The following DENND2C variants were observed in gnomAD, a reference collection of about 807,000 sequenced individuals.
The protein encoded by DENND2C is DENN domain-containing protein 2C.
Under a neutral mutation model 112.4 loss-of-function variants are expected in DENND2C, and 72 were observed. The observed-to-expected ratio is 0.64, with a 90% CI of 0.53 to 0.78. DENND2C has a LOEUF of 0.78. Among genes scored for constraint, DENND2C ranks in the 30% least tolerant of loss-of-function variants. DENND2C has a pLI of 0.00. For synonymous variants in DENND2C, 329 were observed against 381.6 expected (o/e 0.86, Z 1.61); for missense variants, 992 against 1,113.8 (o/e 0.89, Z 1.56).
intron 18 of DENND2C, among the ~76,000 whole-genome samples, chr1:114,594,010 G>A (rs6661025): frequency 0.013 from 2,039 of 152,124 alleles, 28 homozygotes; most frequent in African/African-American, 0.04. Context: ...CCTATTTACC[G>A]AATACTGTTT....
rs1654950586 is a variant in DENND2C, at chr1:114,583,360, G to C, written c.*2240C>G. ...ATCACAATACAACTTACACAGTTTT[G>C]TAAGGTTGAATAAATACTTTCTGTG... On this transcript the variant is annotated 3_prime_UTR_variant, in exon 21 of 21. Transcript: ENST00000393274. 2 of 152,182 alleles carry C rather than the reference G, an allele frequency of 1.3e-5. No homozygotes were observed. Among genetic ancestry groups the C allele is most frequent in the African/African-American group, 4.8e-5 (2 of 41,440 alleles). 9.4% of individuals were successfully genotyped at this position (152,182 alleles called of 1,614,324 possible). A position where few individuals can be genotyped will look rare whatever the true frequency, so the allele number is the denominator to read the frequency against.
At chr1:114,629,747 T>C (rs1351557583) in intron 3 of DENND2C, among the ~76,000 whole-genome samples, 6 of 152,224 alleles carry the variant, frequency 3.9e-5, no homozygotes, top group Non-Finnish European at 1.5e-5. Flanking sequence ...ACCTATCATA[T>C]ATAGAATTCT....
At chr1:114,647,621 A>G (rs1657030027) in intron 2 of DENND2C, among the ~76,000 whole-genome samples, 1 of 152,166 alleles carries the variant, frequency 6.6e-6, no homozygotes, top group African/African-American at 2.4e-5. Flanking sequence ...GGGTTTTGCC[A>G]TGTTGGCCAG....
intron 14 of DENND2C, 115 bp from the exon 15 acceptor site, chr1:114,600,467 G>T: frequency 7.3e-7 from 1 of 1,369,074 alleles, no homozygotes; most frequent in Non-Finnish European, 1.0e-6. Flanking sequence ...TCTGCTACAC[G>T]GGGTCTGTGA....
At chr1:114,657,752 G>A (rs1657374762) in intron 1 of DENND2C, among the ~76,000 whole-genome samples, 1 of 152,200 alleles carries the variant, frequency 6.6e-6, no homozygotes, top group African/African-American at 2.4e-5. Context: ...CCAAATAGAC[G>A]AATAGACAAT....
intron 10 of DENND2C, among the ~76,000 whole-genome samples, chr1:114,608,390 T>C (rs576715779): frequency 6.6e-6 from 1 of 152,362 alleles, no homozygotes; most frequent in East Asian, 1.9e-4. Context: ...GTCACATTTA[T>C]TATTCCCCTC....
chr1:114,606,946 C>T (rs941133739), intron 10 of DENND2C, among the ~76,000 whole-genome samples: 2 of 152,242 alleles, frequency 1.3e-5, no homozygotes, highest in African/African-American at 2.4e-5. Flanking sequence ...CAAGTAGTCA[C>T]CCACAAGTGG....
At position 114,623,064 on chromosome 1, in the gene DENND2C, C is replaced by A; in HGVS notation, c.979G>T (p.Val327Leu). 6.2e-7 allele frequency: 1 copy of A among 1,611,386 alleles called. No homozygotes were observed. The highest frequency in any genetic ancestry group is 1.1e-5 in the South Asian group (1 of 90,458). Residue 327 changes from valine to leucine, a missense_variant, in exon 6 of 21, where the codon GTG becomes TTG. Physicochemically the swap from Val to Leu is conservative, Grantham distance 32 (BLOSUM62 1). Transcript: ENST00000393274. ...GATCTCCACATAGGTAAAGGCTGCA[C>A]TGGAATATCTTCATATGGATTTTCT... ...TKENPYEDIP[V>L]QPLPMWRSPS...
chr1:114,665,467 C>G (rs2101702397), intron 1 of DENND2C, among the ~76,000 whole-genome samples: 1 of 152,256 alleles, frequency 6.6e-6, no homozygotes, highest in Non-Finnish European at 1.5e-5. Context: ...TTTAAATTAA[C>G]AATTTTTCAA....
At chr1:114,595,371 T>G (rs141292013) in intron 17 of DENND2C, 3,751 of 153,468 alleles carry the variant, frequency 0.024, 162 homozygotes, top group African/African-American at 0.086. Context: ...TCCCAGCTAC[T>G]CGGGAGGCTG....
chr1:114,593,560 G>T (rs1446019888), intron 18 of DENND2C, among the ~76,000 whole-genome samples: 1 of 152,166 alleles, frequency 6.6e-6, no homozygotes, highest in Non-Finnish European at 1.5e-5. Context: ...TAAGGCGGAA[G>T]GATTGCTTGA....
At chr1:114,618,981 AT>A (rs1656082643) in intron 7 of DENND2C, among the ~76,000 whole-genome samples, 2 of 152,370 alleles carry the variant, frequency 1.3e-5, no homozygotes, top group South Asian at 4.1e-4. Context: ...ATTATAATTT[AT>A]TTTAGAAATA....
chr1:114,668,548 CA>C (rs1657705831), intron 1 of DENND2C, among the ~76,000 whole-genome samples: 1 of 151,684 alleles, frequency 6.6e-6, no homozygotes, highest in African/African-American at 2.4e-5. Flanking sequence ...CACACACACA[CA>C]CACACCCCAA....
intron 2 of DENND2C, among the ~76,000 whole-genome samples, chr1:114,652,424 G>A (rs903556396): frequency 1.3e-5 from 2 of 152,020 alleles, no homozygotes; most frequent in African/African-American, 4.8e-5. Flanking sequence ...TTCTCAAATG[G>A]GGGGTGGGCA....
intron 8 of DENND2C, among the ~76,000 whole-genome samples, chr1:114,616,131 T>C (rs1045379921): frequency 2.0e-5 from 3 of 151,738 alleles, no homozygotes; most frequent in Admixed American, 6.6e-5. Flanking sequence ...GGCTCATGCC[T>C]GTAATCCTAG....
At position 114,625,643 on chromosome 1, in the gene DENND2C, G is replaced by A. The variant is rs745908248; in HGVS notation, c.342C>T (p.Ser114=). The A allele has an allele frequency of 1.2e-6, 2 of 1,613,940 alleles. No homozygotes were observed. Among genetic ancestry groups the A allele is most frequent in the South Asian group, 2.2e-5 (2 of 91,056 alleles). Residue 114 remains serine (S), a synonymous_variant, in exon 4 of 21, where the codon TCC becomes TCT. Transcript: ENST00000393274. The part of the protein sequence containing the change: ...DTHFFKNESE[S]NWVCSRVKEI... ...CTTTGACCCGAGAACATACCCAGTT[G>A]GATTCTGATTCATTTTTAAAGAAGT... is the stretch of plus-strand genomic sequence containing the variant.
At chr1:114,640,353 G>C (rs140392433) in intron 3 of DENND2C, among the ~76,000 whole-genome samples, 1 of 152,150 alleles carries the variant, frequency 6.6e-6, no homozygotes, top group African/African-American at 2.4e-5. Flanking sequence ...TAGCCCGAGA[G>C]AAATATATGA....
At chr1:114,592,534 A>G (rs1197310269) in intron 18 of DENND2C, among the ~76,000 whole-genome samples, 1 of 151,976 alleles carries the variant, frequency 6.6e-6, no homozygotes, top group African/African-American at 2.4e-5. Context: ...CCTGGGCAAC[A>G]TCGTGAAAGC....
chr1:114,659,321 C>T (rs940797610), intron 1 of DENND2C, among the ~76,000 whole-genome samples: 3 of 151,854 alleles, frequency 2.0e-5, no homozygotes, highest in Non-Finnish European at 2.9e-5. Flanking sequence ...GTCAACACGG[C>T]GAAACCCTGT....
Sources: gnomAD v4.1 joint callset for allele counts (sites outside exome capture counted in the v4.1 genomes callset) on GRCh38, gnomAD v4.1.1 for gene constraint, MANE v1.5 for transcripts, NCBI Gene and HGNC (gene_info 2026-07-23, HGNC 2026-07-21) for gene names.